The following RAB8B variants were observed in gnomAD, a reference collection of about 807,000 sequenced individuals.
RAB8B encodes RAB8B, member RAS oncogene family, also known as ras-related protein Rab-8B.
In RAB8B, 11 loss-of-function variants were observed where a neutral mutation model predicts 32.0. The observed-to-expected ratio is 0.34, with a 90% CI of 0.22 to 0.57. RAB8B has a LOEUF of 0.57. Ranked by LOEUF, RAB8B falls within the 20% of genes least tolerant of loss-of-function variation. The pLI, the probability that RAB8B is intolerant of heterozygous loss-of-function variation, is 0.86. For missense variants in RAB8B, 190 were observed against 258.5 expected (o/e 0.73, Z 1.82); for synonymous variants, 103 against 89.6 (o/e 1.15, Z -0.85).
At chr15:63,263,403 TGAATACACATTTCACTA>T (rs3837732) in intron 7 of RAB8B, 107 bp from the exon 8 acceptor site, 116,092 of 700,446 alleles carry the variant, frequency 0.17, 11,965 homozygotes, top group East Asian at 0.46. Context: ...AATACTCTAG[TGAATACACATTTCACTA>T]GAATACACAT....
chr15:63,219,671 G>C (rs2037827149), intron 1 of RAB8B, among the ~76,000 whole-genome samples: 1 of 152,216 alleles, frequency 6.6e-6, no homozygotes, highest in Non-Finnish European at 1.5e-5. Context: ...GAAAGCCACT[G>C]CTGTGGGGCA....
rs1188674702 is a variant in RAB8B at position 63,267,436 on chromosome 15, A to G, written c.*3817A>G. ...ATAGTTCAATTTTATGGCCTTACAG[A>G]TGGCTTTTATTTTGTTTGCAGCTGA... On this transcript the variant is annotated 3_prime_UTR_variant, in exon 8 of 8. Transcript: ENST00000321437. The G allele has an allele frequency of 6.6e-6, 1 of 152,412 alleles. No individual in the cohort carries two copies. Among genetic ancestry groups the G allele is most frequent in the African/African-American group, 2.4e-5 (1 of 41,436 alleles). 9.4% of individuals were successfully genotyped at this position (152,412 alleles called of 1,614,324 possible).
At chr15:63,220,104 C>T (rs1293068001) in intron 1 of RAB8B, among the ~76,000 whole-genome samples, 1 of 152,166 alleles carries the variant, frequency 6.6e-6, no homozygotes, top group Admixed American at 6.5e-5. Context: ...AGTGTTAGCC[C>T]TTATATCAGG....
rs151234474 is a variant in RAB8B, at chr15:63,266,882, C to G, written c.*3263C>G. ...TAAGTGACACATTTAAGCAGACATT[C>G]TTTTCAAGTTCATGACTTAGATTCC... is the stretch of plus-strand genomic sequence containing the variant. On this transcript the variant is annotated 3_prime_UTR_variant, in exon 8 of 8. Transcript: ENST00000321437. 2.0e-4 allele frequency: 31 copies of G among 152,690 alleles called. 1 individual carries two copies. The East Asian group carries it at 2.1e-3, about 10-fold the overall frequency. The allele number at this position is 152,690 out of a possible 1,614,324, so 9.5% of individuals were successfully genotyped here. A position where few individuals can be genotyped will look rare whatever the true frequency, so the allele number is the denominator to read the frequency against.
intron 1 of RAB8B, among the ~76,000 whole-genome samples, chr15:63,224,295 A>G (rs540200124): frequency 1.3e-5 from 2 of 152,342 alleles, no homozygotes; most frequent in African/African-American, 4.8e-5. Flanking sequence ...ATATTTATGT[A>G]TATTTAAAAG....
At chr15:63,242,492 C>T (rs2038040538) in intron 1 of RAB8B, among the ~76,000 whole-genome samples, 1 of 152,084 alleles carries the variant, frequency 6.6e-6, no homozygotes, top group Non-Finnish European at 1.5e-5. Flanking sequence ...CCCTGGCCAA[C>T]ATGGTGAAAC....
At chr15:63,214,114 C>G (rs1818926626) in intron 1 of RAB8B, among the ~76,000 whole-genome samples, 1 of 151,754 alleles carries the variant, frequency 6.6e-6, no homozygotes, top group Admixed American at 6.6e-5. Flanking sequence ...GTTTGCTATA[C>G]CAACGTGTAA....
intron 6 of RAB8B, 67 bp from the exon 7 acceptor site, chr15:63,262,621 ATGTG>A: frequency 4.7e-6 from 2 of 425,836 alleles, no homozygotes; most frequent in East Asian, 6.9e-5. Flanking sequence ...GAATATATAT[ATGTG>A]TATATATATA....
At chr15:63,246,853 C>G (rs978733457) in intron 2 of RAB8B, among the ~76,000 whole-genome samples, 7 of 152,178 alleles carry the variant, frequency 4.6e-5, no homozygotes, top group African/African-American at 1.7e-4. Flanking sequence ...GGAGCCCCAG[C>G]CACCAGTTAT....
chr15:63,212,759 G>A (rs780419017), intron 1 of RAB8B, among the ~76,000 whole-genome samples: 1 of 152,162 alleles, frequency 6.6e-6, no homozygotes, highest in Non-Finnish European at 1.5e-5. Flanking sequence ...ATTGGTGTAT[G>A]AATAGAAAGA....
chr15:63,211,566 A>G (rs188935301), intron 1 of RAB8B, among the ~76,000 whole-genome samples: 43 of 152,348 alleles, frequency 2.8e-4, no homozygotes, highest in Admixed American at 2.4e-3. Context: ...TACTGTGTTT[A>G]GTATTTACTT....
At chr15:63,208,514 T>C (rs1471427582) in intron 1 of RAB8B, among the ~76,000 whole-genome samples, 2 of 152,200 alleles carry the variant, frequency 1.3e-5, no homozygotes, top group Non-Finnish European at 1.5e-5. Flanking sequence ...CTTTATGGAA[T>C]GCACAATGCT....
chr15:63,216,621 G>A (rs1432264127), intron 1 of RAB8B, among the ~76,000 whole-genome samples: 2 of 151,618 alleles, frequency 1.3e-5, no homozygotes, highest in Non-Finnish European at 2.9e-5. Flanking sequence ...CCAGCACTTT[G>A]GGAGGCCAAG....
At chr15:63,202,673 A>G (rs1047262308) in intron 1 of RAB8B, among the ~76,000 whole-genome samples, 5 of 152,220 alleles carry the variant, frequency 3.3e-5, no homozygotes, top group African/African-American at 9.6e-5. Flanking sequence ...AGCTACCTTA[A>G]TTGTGAGCTT....
intron 1 of RAB8B, among the ~76,000 whole-genome samples, chr15:63,241,669 A>T (rs1477659243): frequency 6.6e-6 from 1 of 151,938 alleles, no homozygotes; most frequent in Non-Finnish European, 1.5e-5. Context: ...GTTTCTATGG[A>T]TTTGGAAAGT....
intron 5 of RAB8B, among the ~76,000 whole-genome samples, chr15:63,257,458 G>A (rs186338349): frequency 1.8e-3 from 281 of 151,938 alleles, no homozygotes; most frequent in African/African-American, 6.2e-3. Context: ...GTAGAGACGC[G>A]GTTTTGCCGT....
chr15:63,219,016 T>TA (rs2037818810), intron 1 of RAB8B, among the ~76,000 whole-genome samples: 1 of 141,664 alleles, frequency 7.1e-6, no homozygotes, highest in African/African-American at 2.6e-5. Flanking sequence ...TTTTTTTTTT[T>TA]TTTTTTTTTT....
intron 1 of RAB8B, among the ~76,000 whole-genome samples, chr15:63,212,137 AG>A (rs1372895072): frequency 7.9e-5 from 12 of 152,142 alleles, no homozygotes; most frequent in African/African-American, 2.9e-4. Flanking sequence ...CTGGCCTAAA[AG>A]CCCCATCTTC....
At chr15:63,256,388 G>A in intron 4 of RAB8B, 117 bp from the exon 5 acceptor site, 5 of 697,048 alleles carry the variant, frequency 7.2e-6, no homozygotes, top group African/African-American at 1.9e-5. Context: ...ATTAGGCCTT[G>A]TGTGAGTAAA....
Sources: allele counts gnomAD v4.1 joint callset (sites outside exome capture counted in the v4.1 genomes callset), GRCh38; gene constraint gnomAD v4.1.1; transcripts MANE v1.5; gene names NCBI Gene and HGNC (gene_info 2026-07-23, HGNC 2026-07-21).